PDS5B: variants seen among roughly 807,000 people sequenced by gnomAD.
The protein encoded by PDS5B is PDS5 cohesin associated factor B.
A neutral mutation model predicts 184.1 loss-of-function variants in PDS5B; 51 were observed. That is an observed-to-expected ratio of 0.28 (90% confidence interval 0.22 to 0.35). The LOEUF (loss-of-function observed/expected upper bound fraction) is 0.35, where lower values mean the gene tolerates loss of function less well. Among genes scored for constraint, PDS5B ranks in the 10% least tolerant of loss-of-function variants. The probability of loss-of-function intolerance (pLI) is 1.00; values close to 1 mark genes in which losing one functional copy is unlikely to be tolerated. For synonymous variants in PDS5B, 566 were observed against 569.2 expected (o/e 0.99, Z 0.08); for missense variants, 1,180 against 1,723.3 (o/e 0.68, Z 5.58).
At chr13:32,653,564 T>C (rs1169462700) in intron 3 of PDS5B, among the ~76,000 whole-genome samples, 1 of 152,168 alleles carries the variant, frequency 6.6e-6, no homozygotes, top group Admixed American at 6.5e-5. Context: ...CAACCTGTTT[T>C]GGGCATGCTT....
intron 19 of PDS5B, among the ~76,000 whole-genome samples, chr13:32,719,106 C>T (rs953892078): frequency 6.6e-6 from 1 of 152,238 alleles, no homozygotes; most frequent in African/African-American, 2.4e-5. Flanking sequence ...ATTTTTATAA[C>T]TTCCTTGTTT....
intron 33 of PDS5B, among the ~76,000 whole-genome samples, chr13:32,772,784 A>C (rs1265580812): frequency 6.6e-6 from 1 of 152,164 alleles, no homozygotes; most frequent in Non-Finnish European, 1.5e-5. Flanking sequence ...AGGTGGTAGC[A>C]ATGGAGATGT....
At chr13:32,657,144 C>G (rs899049437) in intron 3 of PDS5B, among the ~76,000 whole-genome samples, 1 of 152,030 alleles carries the variant, frequency 6.6e-6, no homozygotes, top group Non-Finnish European at 1.5e-5. Flanking sequence ...AGTTGTCTGC[C>G]CCAATAATCT....
At chr13:32,676,709 A>T (rs1951073443) in intron 9 of PDS5B, among the ~76,000 whole-genome samples, 1 of 152,130 alleles carries the variant, frequency 6.6e-6, no homozygotes, top group Admixed American at 6.5e-5. Context: ...AGGCAGGTGG[A>T]TCACAAGGTC....
intron 1 of PDS5B, among the ~76,000 whole-genome samples, chr13:32,605,366 A>G (rs914685579): frequency 3.3e-5 from 5 of 152,138 alleles, no homozygotes; most frequent in African/African-American, 9.7e-5. Context: ...TTCAGTTTCC[A>G]TGTAGTTGAG....
chr13:32,636,525 G>T (rs1239442631), intron 1 of PDS5B, among the ~76,000 whole-genome samples: 1 of 152,208 alleles, frequency 6.6e-6, no homozygotes, highest in African/African-American at 2.4e-5. Flanking sequence ...AAGGGCATAG[G>T]CTTTGGAATC....
chr13:32,765,379 T>C (rs572543205), intron 31 of PDS5B, among the ~76,000 whole-genome samples: 8 of 152,350 alleles, frequency 5.3e-5, no homozygotes, highest in Middle Eastern at 3.4e-3. Flanking sequence ...CGACTTTTGA[T>C]TATGGTTATC....
intron 17 of PDS5B, among the ~76,000 whole-genome samples, chr13:32,706,279 AAAATAAATAAATAAATAAATAAATAAAT>A (rs60222106): frequency 6.9e-6 from 1 of 144,978 alleles, no homozygotes; most frequent in African/African-American, 2.6e-5. Context: ...CTTCGTCTCA[AAAATAAATAAATAAATAAATAAATAAAT>A]AAATAAATAA....
chr13:32,691,579 C>T (rs1250986035), intron 13 of PDS5B, among the ~76,000 whole-genome samples: 1 of 152,040 alleles, frequency 6.6e-6, no homozygotes, highest in Non-Finnish European at 1.5e-5. Flanking sequence ...TGAAATCACC[C>T]TGGGAGGTTT....
chr13:32,738,781 C>T (rs1022998967), intron 21 of PDS5B, among the ~76,000 whole-genome samples: 7 of 152,106 alleles, frequency 4.6e-5, no homozygotes, highest in Non-Finnish European at 8.8e-5. Context: ...AAGCCATTCT[C>T]CTGTCTCAGC....
chr13:32,717,664 G>A (rs1324969913), intron 19 of PDS5B, among the ~76,000 whole-genome samples: 28 of 119,180 alleles, frequency 2.3e-4, no homozygotes, highest in African/African-American at 7.1e-4. Flanking sequence ...CCCCCTCTGC[G>A]AGAAACACCC....
intron 3 of PDS5B, among the ~76,000 whole-genome samples, chr13:32,652,812 CAT>C (rs769690256): frequency 1.3e-5 from 2 of 149,140 alleles, no homozygotes; most frequent in African/African-American, 2.5e-5. Flanking sequence ...GTACAAAAGA[CAT>C]GTGGTACTTG....
rs1954716620 is a variant in PDS5B, at chr13:32,769,802, G to T, written c.3625-319G>T. On this transcript the variant is annotated intron_variant, in intron 31 of 34. Coordinates refer to ENST00000315596, the MANE Select transcript of PDS5B (RefSeq NM_015032.4). ...TAGTTGTCATTTAGGACCAAGCACT[G>T]AATTTATAATGCTCTTTTTAATGAG... Among the ~76,000 whole-genome samples the T allele has an allele frequency of 2.0e-5, 3 of 152,098 alleles. No homozygotes were observed. In the South Asian group the frequency reaches 6.2e-4, roughly 31 times the overall value.
At chr13:32,685,208 A>T (rs1951351184) in intron 11 of PDS5B, among the ~76,000 whole-genome samples, 1 of 152,230 alleles carries the variant, frequency 6.6e-6, no homozygotes, top group African/African-American at 2.4e-5. Flanking sequence ...ATGGGCAAGA[A>T]GCACATGGTT....
intron 20 of PDS5B, 130 bp from the exon 21 acceptor site, chr13:32,735,042 T>G (rs1953279280): frequency 1.9e-6 from 1 of 525,670 alleles, no homozygotes; most frequent in African/African-American, 2.0e-5. Context: ...TATTGAAATT[T>G]TTGTAGTTTT....
At chr13:32,708,710 A>G (rs922054663) in intron 18 of PDS5B, among the ~76,000 whole-genome samples, 18 of 152,134 alleles carry the variant, frequency 1.2e-4, no homozygotes, top group African/African-American at 4.3e-4. Context: ...TGAGGTCCAT[A>G]TGTTAATCAT....
intron 1 of PDS5B, among the ~76,000 whole-genome samples, chr13:32,625,608 C>G (rs2058359106): frequency 6.6e-6 from 1 of 151,784 alleles, no homozygotes; most frequent in South Asian, 2.1e-4. Context: ...TAATTAATTT[C>G]AGGTATTTTG....
intron 6 of PDS5B, 33 bp from the exon 7 acceptor site, chr13:32,667,731 A>T (rs1423545002): frequency 7.7e-7 from 1 of 1,304,880 alleles, no homozygotes; most frequent in South Asian, 1.3e-5. Context: ...ATAGTTAGAG[A>T]TATATAATAT....
At chr13:32,652,781 G>A (rs1593341997) in intron 3 of PDS5B, among the ~76,000 whole-genome samples, 1 of 150,216 alleles carries the variant, frequency 6.7e-6, no homozygotes, top group South Asian at 2.1e-4. Context: ...AAGATTCAGT[G>A]AACAAAATTT....
Sources: gnomAD v4.1 joint callset for allele counts (sites outside exome capture counted in the v4.1 genomes callset) on GRCh38, gnomAD v4.1.1 for gene constraint, MANE v1.5 for transcripts, NCBI Gene and HGNC (gene_info 2026-07-23, HGNC 2026-07-21) for gene names.